Variants in SGCD observed in about 807,000 individuals in gnomAD.
SGCD encodes the protein delta-sarcoglycan.
SGCD carries 18 observed loss-of-function variants against 36.6 expected under a neutral mutation model. The ratio of observed to expected loss-of-function variants is 0.49; its 90% CI spans 0.34 to 0.73. The LOEUF is 0.73. Ranked by LOEUF, SGCD falls within the 30% of genes least tolerant of loss-of-function variation. SGCD has a pLI of 0.01. For synonymous variants in SGCD, 133 were observed against 130.6 expected, an observed-to-expected ratio of 1.02 and a Z score of -0.12; for missense variants, 387 against 346.7, an observed-to-expected ratio of 1.12 and a Z score of -0.92.
intron 1 of SGCD, among the ~76,000 whole-genome samples, chr5:156,048,915 A>G (rs1271265254): frequency 6.6e-6 from 1 of 151,860 alleles, no homozygotes; most frequent in Admixed American, 6.6e-5. Flanking sequence ...TATGTCCTGA[A>G]TGGTGTTGCC....
chr5:156,446,135 C>T (rs1561700829), intron 3 of SGCD, among the ~76,000 whole-genome samples: 1 of 152,124 alleles, frequency 6.6e-6, no homozygotes, highest in African/African-American at 2.4e-5. Flanking sequence ...TCCTGAACTC[C>T]ACCCACAGAG....
intron 3 of SGCD, among the ~76,000 whole-genome samples, chr5:156,382,125 C>G (rs1771015643): frequency 6.6e-6 from 1 of 152,018 alleles, no homozygotes; most frequent in African/African-American, 2.4e-5. Context: ...ACAGTGGAAG[C>G]AGGAATCAAA....
chr5:155,981,905 G>T (rs1390192565), intron 1 of SGCD, among the ~76,000 whole-genome samples: 1 of 152,106 alleles, frequency 6.6e-6, no homozygotes, highest in African/African-American at 2.4e-5. Context: ...AGGGTGTCAG[G>T]ACAAGGTTTC....
chr5:156,754,654 T>A (rs1757271950), intron 7 of SGCD, among the ~76,000 whole-genome samples: 2 of 152,222 alleles, frequency 1.3e-5, no homozygotes, highest in South Asian at 4.1e-4. Flanking sequence ...ATCTTGGCTC[T>A]GCCATTTTAC....
In SGCD at chr5:156,629,859, T is replaced by C. The variant is rs1581286610; in HGVS notation, c.503-17605T>C. 1.4e-5 allele frequency among the ~76,000 whole-genome samples: 2 copies of C among 143,090 alleles called. 1 individual carries two copies. The highest frequency in any genetic ancestry group is 5.1e-5 in the African/African-American group (2 of 39,490). The allele number at this position is 143,090 out of a possible 152,430, so 93.9% of individuals were successfully genotyped here. A position where few individuals can be genotyped will look rare whatever the true frequency, so the allele number is the denominator to read the frequency against. On this transcript the variant is annotated intron_variant, in intron 6 of 8. Coordinates refer to ENST00000337851, the MANE Select transcript of SGCD (RefSeq NM_000337.6). Reference sequence around the variant, plus strand: ...GCTCTGGTTTTGAGACTTTTTCTTTTTTTTTTTTTTTTTTTTTTTTAGATG... The same window carrying C: ...GCTCTGGTTTTGAGACTTTTTCTTTCTTTTTTTTTTTTTTTTTTTTAGATG...
At chr5:155,867,773 G>A (rs149611159), upstream of SGCD, among the ~76,000 whole-genome samples, 7 of 152,150 alleles carry the variant, frequency 4.6e-5, no homozygotes, top group Admixed American at 1.3e-4. Context: ...TATTCTCTAG[G>A]CTTGACATAC....
At chr5:156,016,497 T>G (rs1758982299) in intron 1 of SGCD, among the ~76,000 whole-genome samples, 1 of 152,196 alleles carries the variant, frequency 6.6e-6, no homozygotes, top group African/African-American at 2.4e-5. Flanking sequence ...ATCCCTTATC[T>G]TTTCCAACCT....
intron 4 of SGCD, among the ~76,000 whole-genome samples, chr5:156,531,489 AG>A (rs1472471332): frequency 6.6e-6 from 1 of 152,202 alleles, no homozygotes; most frequent in Non-Finnish European, 1.5e-5. Context: ...CAATGGTGGA[AG>A]GTAAAGGAAA....
rs146097382 is a variant in SGCD at position 155,939,239 on chromosome 5, A to T, written c.-282+68815A>T. 3.7e-3 allele frequency among the ~76,000 whole-genome samples: 568 copies of T among 152,350 alleles called. 4 individuals are homozygous for T. Among genetic ancestry groups the T allele is most frequent in the African/African-American group, 0.013 (550 of 41,576 alleles). On this transcript the variant is annotated intron_variant, in intron 1 of 9. Coordinates refer to the SGCD transcript ENST00000517913. ...AAAACAAACAAATGATAAGTATGTG[A>T]GGTAATGACTATGTTAATCAGCTCC...
At chr5:156,276,218 A>G (rs1006097852) in intron 3 of SGCD, among the ~76,000 whole-genome samples, 7 of 152,178 alleles carry the variant, frequency 4.6e-5, no homozygotes, top group African/African-American at 1.7e-4. Context: ...GTTCAGAGGG[A>G]GGCTCCATAG....
intron 1 of SGCD, among the ~76,000 whole-genome samples, chr5:155,996,910 C>T (rs57807656): frequency 0.084 from 9,480 of 112,728 alleles, 388 homozygotes; most frequent in African/African-American, 0.14. Flanking sequence ...GATAGATAGA[C>T]AGACAGACAG....
At chr5:156,492,683 T>C (rs944742660) in intron 3 of SGCD, among the ~76,000 whole-genome samples, 10 of 152,088 alleles carry the variant, frequency 6.6e-5, no homozygotes, top group Non-Finnish European at 1.0e-4. Flanking sequence ...TCATCTACAT[T>C]AGGTATTTCT....
At chr5:156,382,032 A>G (rs913433930) in intron 3 of SGCD, among the ~76,000 whole-genome samples, 3 of 152,130 alleles carry the variant, frequency 2.0e-5, no homozygotes, top group Admixed American at 1.3e-4. Flanking sequence ...AATTCCCACA[A>G]GTTGTTGAAG....
At chr5:156,270,184 G>A (rs1166153805) in intron 3 of SGCD, among the ~76,000 whole-genome samples, 1 of 152,100 alleles carries the variant, frequency 6.6e-6, no homozygotes, top group East Asian at 1.9e-4. Flanking sequence ...TCATAGCTGT[G>A]TGGCCTTATT....
Position 156,229,297 on chromosome 5 carries a change from T to TATATACACATATATATATATATATATAA in SGCD, c.-43-100234_-43-100233insTACACATATATATATATATATATAAATA, listed in dbSNP as rs1554085621. On this transcript the variant is annotated intron_variant, in intron 3 of 9. Transcript: ENST00000517913. ...ACATACATATATATATATATATATA[T>TATATACACATATATATATATATATATAA]ATAAAATTAGTTCTTCCATTGGTTC... 1.3e-4 allele frequency among the ~76,000 whole-genome samples: 16 copies of TATATACACATATATATATATATATATAA among 119,862 alleles called. 1 individual carries two copies. The highest frequency in any genetic ancestry group is 3.5e-4 in the African/African-American group (11 of 31,262). The allele number at this position is 119,862 out of a possible 152,430, so 78.6% of individuals were successfully genotyped here. A position where few individuals can be genotyped will look rare whatever the true frequency, so the allele number is the denominator to read the frequency against.
chr5:156,079,946 A>C (rs1760907510), intron 1 of SGCD, among the ~76,000 whole-genome samples: 1 of 152,114 alleles, frequency 6.6e-6, no homozygotes, highest in Non-Finnish European at 1.5e-5. Flanking sequence ...TTTTCTTTGT[A>C]CTGCCCTAGT....
At chr5:156,077,091 T>G (rs945254622) in intron 1 of SGCD, among the ~76,000 whole-genome samples, 1 of 152,166 alleles carries the variant, frequency 6.6e-6, no homozygotes, top group Admixed American at 6.5e-5. Flanking sequence ...TTCTTTTACG[T>G]TTTTCTGGAT....
At chr5:156,294,205 A>G (rs933147676) in intron 3 of SGCD, among the ~76,000 whole-genome samples, 3 of 150,956 alleles carry the variant, frequency 2.0e-5, no homozygotes, top group African/African-American at 7.4e-5. Flanking sequence ...ACTTTATTGA[A>G]TTTGTTAGTT....
chr5:155,925,416 T>TTC (rs962171335), intron 1 of SGCD, among the ~76,000 whole-genome samples: 1 of 152,156 alleles, frequency 6.6e-6, no homozygotes, highest in African/African-American at 2.4e-5. Flanking sequence ...CAAGGCCACA[T>TTC]TCTCTCTGCA....
Sources: allele counts gnomAD v4.1 joint callset (sites outside exome capture counted in the v4.1 genomes callset), GRCh38; gene constraint gnomAD v4.1.1; transcripts MANE v1.5; gene names NCBI Gene and HGNC (gene_info 2026-07-23, HGNC 2026-07-21).